ACER2: variants seen among roughly 807,000 people sequenced by gnomAD.
ACER2 encodes alkCDase 2.
A neutral mutation model predicts 34.7 loss-of-function variants in ACER2; 26 were observed. The observed-to-expected ratio is 0.75, with a 90% confidence interval of 0.55 to 1.04. The LOEUF (loss-of-function observed/expected upper bound fraction) is 1.04, where lower values mean the gene tolerates loss of function less well. Among genes scored for constraint, ACER2 ranks in the 50% least tolerant of loss-of-function variants. ACER2 has a pLI of 0.00. For missense variants in ACER2, 352 were observed against 340.8 expected (o/e 1.03, Z -0.26); for synonymous variants, 138 against 132.1 (o/e 1.04, Z -0.31).
rs1199909942 is a variant in ACER2, at chr9:19,450,998, C to T, written c.*362C>T. ...CCTCCTCCCTAATGTGTCTGTGGAC[C>T]ACCTGGATTCCACTGTACAAGGGGA... On this transcript the variant is annotated 3_prime_UTR_variant, in exon 6 of 6. Transcript: ENST00000340967. 6.2e-6 allele frequency: 1 copy of T among 162,362 alleles called. No homozygotes were observed. Among genetic ancestry groups the T allele is most frequent in the Non-Finnish European group, 1.3e-5 (1 of 74,464 alleles). 10.1% of individuals were successfully genotyped at this position (162,362 alleles called of 1,614,324 possible).
chr9:19,421,817 C>G lies in ACER2; in HGVS notation c.109-2045C>G, dbSNP rs77387028. ...TTGAGTCTGTGAAACAAACAAACCC[C>G]AAAATCAACCAAACAAAAAGTAAGT... On this transcript the variant is annotated intron_variant, in intron 1 of 5. Coordinates refer to ENST00000340967, the MANE Select transcript of ACER2 (RefSeq NM_001010887.3). 3.0e-4 allele frequency among the ~76,000 whole-genome samples: 46 copies of G among 152,016 alleles called. No homozygotes were observed. The East Asian group carries it at 7.9e-3, about 26-fold the overall frequency.
At chr9:19,431,648 GC>G (rs1415320951) in intron 3 of ACER2, among the ~76,000 whole-genome samples, 1 of 152,178 alleles carries the variant, frequency 6.6e-6, no homozygotes, top group East Asian at 1.9e-4. Flanking sequence ...AAGAACAGCA[GC>G]CGAGGCCAGG....
At chr9:19,413,206 C>A (rs973731216) in intron 1 of ACER2, among the ~76,000 whole-genome samples, 3 of 152,240 alleles carry the variant, frequency 2.0e-5, no homozygotes, top group African/African-American at 7.2e-5. Flanking sequence ...CTTCCATGAA[C>A]ATGTAATTTC....
At chr9:19,440,078 T>G (rs564334169) in intron 4 of ACER2, among the ~76,000 whole-genome samples, 66 of 152,236 alleles carry the variant, frequency 4.3e-4, no homozygotes, top group African/African-American at 1.5e-3. Context: ...TCCCTCTCTA[T>G]AGGCTATACA....
intron 1 of ACER2, among the ~76,000 whole-genome samples, chr9:19,420,138 C>T (rs1347827319): frequency 6.6e-6 from 1 of 152,114 alleles, no homozygotes; most frequent in Non-Finnish European, 1.5e-5. Context: ...GCTCTTTGGC[C>T]CTGCTCACTT....
intron 4 of ACER2, among the ~76,000 whole-genome samples, chr9:19,436,245 C>A (rs1047183613): frequency 6.6e-6 from 1 of 152,122 alleles, no homozygotes; most frequent in Non-Finnish European, 1.5e-5. Context: ...CCCTTGCAGT[C>A]TGGCTCCCCT....
rs556510432 is a variant in ACER2 at position 19,441,222 on chromosome 9, C to T, written c.504-5059C>T. 1.8e-4 allele frequency among the ~76,000 whole-genome samples: 28 copies of T among 151,676 alleles called. No homozygotes were observed. The South Asian group carries it at 2.5e-3, about 14-fold the overall frequency. On this transcript the variant is annotated intron_variant, in intron 4 of 5. Transcript: ENST00000340967. ...GTGCCACCATGCCTGGCTACTTTTT[C>T]GTATTTTTAGTAGAGATGGGGTTTC... is the stretch of plus-strand genomic sequence containing the variant.
At chr9:19,437,930 G>C (rs1831026316) in intron 4 of ACER2, among the ~76,000 whole-genome samples, 1 of 152,112 alleles carries the variant, frequency 6.6e-6, no homozygotes, top group African/African-American at 2.4e-5. Flanking sequence ...CTTCCTCTCT[G>C]ATGTTGTGTT....
At position 19,409,306 on chromosome 9, in the gene ACER2, C is replaced by T. The variant is rs547822581; in HGVS notation, c.108+114C>T. On this transcript the variant is annotated intron_variant, in intron 1 of 5. Coordinates refer to ENST00000340967, the MANE Select transcript of ACER2 (RefSeq NM_001010887.3). ...CTGCGCGCATCTGGGGGCATTCTCT[C>T]CAGGGGCTGAGTCAGTCCACACCCC... The T allele has an allele frequency of 2.1e-5, 22 of 1,027,500 alleles. No homozygotes were observed. The South Asian group carries it at 2.7e-4, about 13-fold the overall frequency. The allele number at this position is 1,027,500 out of a possible 1,614,324, so 63.6% of individuals were successfully genotyped here. A position where few individuals can be genotyped will look rare whatever the true frequency, so the allele number is the denominator to read the frequency against.
chr9:19,442,663 T>C (rs976386467), intron 4 of ACER2, among the ~76,000 whole-genome samples: 7 of 152,240 alleles, frequency 4.6e-5, no homozygotes, highest in African/African-American at 1.7e-4. Flanking sequence ...AGCCAAACTT[T>C]CTAGGTTTAA....
chr9:19,441,142 C>T (rs1317560850), intron 4 of ACER2, among the ~76,000 whole-genome samples: 5 of 151,608 alleles, frequency 3.3e-5, no homozygotes, highest in Non-Finnish European at 4.4e-5. Flanking sequence ...CTCCGCCTCC[C>T]GGGTTCAAGC....
chr9:19,433,629 C>T (rs568099161), intron 3 of ACER2, among the ~76,000 whole-genome samples: 1 of 152,394 alleles, frequency 6.6e-6, no homozygotes, highest in Non-Finnish European at 1.5e-5. Context: ...TTCCACAAAG[C>T]CACCATTGTC....
chr9:19,450,402 C>A (rs779876838), intron 5 of ACER2, 48 bp from the exon 6 acceptor site: 1 of 1,505,872 alleles, frequency 6.6e-7, no homozygotes, highest in Admixed American at 1.7e-5. Context: ...CTCAGGGCAG[C>A]GGAGTCTTCA....
chr9:19,419,945 C>T (rs1414272739), intron 1 of ACER2, among the ~76,000 whole-genome samples: 2 of 152,172 alleles, frequency 1.3e-5, no homozygotes, highest in African/African-American at 4.8e-5. Flanking sequence ...ATTTCTCTCC[C>T]ACCCATCTTT....
At chr9:19,442,267 T>C (rs1831179887) in intron 4 of ACER2, among the ~76,000 whole-genome samples, 1 of 152,168 alleles carries the variant, frequency 6.6e-6, no homozygotes, top group Non-Finnish European at 1.5e-5. Context: ...AGAGAAGAAA[T>C]GGGAGAGATT....
chr9:19,416,060 C>CTT (rs10645109), intron 1 of ACER2, among the ~76,000 whole-genome samples: 19,750 of 144,902 alleles, frequency 0.14, 1,391 homozygotes, highest in South Asian at 0.25. Flanking sequence ...AACTTTATTC[C>CTT]TTTTTTTTTT....
At chr9:19,446,656 C>A (rs1248633446) in intron 5 of ACER2, 1 of 983,378 alleles carries the variant, frequency 1.0e-6, no homozygotes, top group African/African-American at 1.7e-5. Context: ...CTTAGGTCTG[C>A]AGTCTTTTAC....
At chr9:19,448,883 G>A (rs1416505990) in intron 5 of ACER2, among the ~76,000 whole-genome samples, 2 of 152,174 alleles carry the variant, frequency 1.3e-5, no homozygotes, top group Non-Finnish European at 2.9e-5. Context: ...GCTCACGCCC[G>A]TAATCTCAGC....
intron 1 of ACER2, among the ~76,000 whole-genome samples, chr9:19,420,314 T>C (rs2132469292): frequency 6.6e-6 from 1 of 152,264 alleles, no homozygotes; most frequent in South Asian, 2.1e-4. Flanking sequence ...TGATTTTTGT[T>C]TGTGTTTAGT....
Sources: gnomAD v4.1 joint callset for allele counts (sites outside exome capture counted in the v4.1 genomes callset) on GRCh38, gnomAD v4.1.1 for gene constraint, MANE v1.5 for transcripts, NCBI Gene and HGNC (gene_info 2026-07-23, HGNC 2026-07-21) for gene names.